TNS3: variants seen among roughly 807,000 people sequenced by gnomAD.
TNS3 encodes tensin 3.
In TNS3, 45 loss-of-function variants were observed where a neutral mutation model predicts 140.9. The observed-to-expected ratio is 0.32, with a 90% CI of 0.25 to 0.41. TNS3 has a LOEUF of 0.41. Ranked by LOEUF, TNS3 falls within the 10% of genes least tolerant of loss-of-function variation. The pLI, the probability that TNS3 is intolerant of heterozygous loss-of-function variation, is 1.00. For synonymous variants in TNS3, 815 were observed against 788.4 expected (o/e 1.03, Z -0.56); for missense variants, 1,716 against 1,906.7 (o/e 0.90, Z 1.86).
intron 4 of TNS3, among the ~76,000 whole-genome samples, chr7:47,444,957 C>T (rs926971288): frequency 1.3e-5 from 2 of 152,106 alleles, no homozygotes; most frequent in African/African-American, 4.8e-5. Flanking sequence ...ATGAAGTGTT[C>T]GGAAATGCAG....
chr7:47,474,719 CAT>C (rs1406348215), intron 4 of TNS3, among the ~76,000 whole-genome samples: 1 of 144,438 alleles, frequency 6.9e-6, no homozygotes, highest in Admixed American at 7.0e-5. Context: ...ACAGCACAGA[CAT>C]GTACACACAC....
Position 47,344,764 on chromosome 7 carries a change from C to G in TNS3, c.2641G>C (p.Gly881Arg), listed in dbSNP as rs772981048. The change falls in exon 20 of 31, where the codon GGA (glycine) becomes CGA (arginine). Residue 881 changes from glycine to arginine, a missense_variant. Gly to Arg is a moderately radical substitution (Grantham distance 125). Coordinates refer to ENST00000311160, the MANE Select transcript of TNS3 (RefSeq NM_022748.12). ...CGGGTAGATTTCTTACCACGTCCTC[C>G]TTTGTGCTGACTGGCTGGGCTGCTC... The part of the protein sequence containing the change: ...PLSSPASQHK[G>R]GREPRSCPET... 9 of 1,612,548 alleles carry G rather than the reference C, an allele frequency of 5.6e-6. No individual in the cohort carries two copies. In the East Asian group the frequency reaches 2.0e-4, roughly 36 times the overall value.
chr7:47,569,802 C>G (rs1189050957), intron 1 of TNS3, among the ~76,000 whole-genome samples: 1 of 151,030 alleles, frequency 6.6e-6, no homozygotes, highest in African/African-American at 2.4e-5. Context: ...TGCAGTGAGC[C>G]GAGATGGTGC....
intron 10 of TNS3, among the ~76,000 whole-genome samples, chr7:47,416,280 C>T (rs35973885): frequency 2.0e-5 from 3 of 152,220 alleles, no homozygotes; most frequent in African/African-American, 7.2e-5. Context: ...CCATCCTACC[C>T]TAAGCCAGAA....
intron 2 of TNS3, among the ~76,000 whole-genome samples, chr7:47,512,880 C>T (rs1335237602): frequency 2.6e-5 from 4 of 152,136 alleles, no homozygotes; most frequent in Non-Finnish European, 5.9e-5. Context: ...CATTCTACAA[C>T]AAGGAACAAG....
At chr7:47,460,462 G>A (rs1421863370) in intron 4 of TNS3, among the ~76,000 whole-genome samples, 6 of 152,168 alleles carry the variant, frequency 3.9e-5, no homozygotes, top group African/African-American at 1.2e-4. Context: ...TGACTAAGAC[G>A]ACATCTGAAA....
chr7:47,296,409 G>A (rs1028377601), intron 24 of TNS3, among the ~76,000 whole-genome samples: 3 of 152,174 alleles, frequency 2.0e-5, no homozygotes, highest in African/African-American at 7.2e-5. Flanking sequence ...ATTCCTCAAA[G>A]ACCTAGAGGC....
intron 16 of TNS3, among the ~76,000 whole-genome samples, chr7:47,370,279 CA>C (rs377017060): frequency 4.9e-5 from 7 of 142,976 alleles, no homozygotes; most frequent in African/African-American, 7.7e-5. Flanking sequence ...GACTCCGTCT[CA>C]AAAAAAAAAG....
intron 16 of TNS3, among the ~76,000 whole-genome samples, chr7:47,382,632 T>C (rs537111550): frequency 9.2e-5 from 14 of 152,204 alleles, no homozygotes; most frequent in Admixed American, 6.5e-4. Flanking sequence ...ACCCTTAGTA[T>C]GTGCGGGGGA....
intron 12 of TNS3, among the ~76,000 whole-genome samples, chr7:47,412,797 T>C (rs1562707699): frequency 1.3e-5 from 2 of 152,076 alleles, no homozygotes; most frequent in African/African-American, 2.4e-5. Context: ...AATGCAACCA[T>C]AAAAAATAAT....
intron 20 of TNS3, among the ~76,000 whole-genome samples, chr7:47,343,242 C>G (rs1008749164): frequency 1.3e-5 from 2 of 152,206 alleles, no homozygotes; most frequent in African/African-American, 4.8e-5. Context: ...CAGCATAAGA[C>G]AGCCAGGCCA....
At chr7:47,368,171 T>A (rs1463453899) in intron 17 of TNS3, among the ~76,000 whole-genome samples, 194 bp downstream of exon 17, 1 of 152,148 alleles carries the variant, frequency 6.6e-6, no homozygotes, top group Admixed American at 6.5e-5. Flanking sequence ...CCTCCAAATC[T>A]CCTACCAAGG....
chr7:47,438,144 G>T (rs1351141512), intron 6 of TNS3, among the ~76,000 whole-genome samples: 1 of 152,238 alleles, frequency 6.6e-6, no homozygotes, highest in African/African-American at 2.4e-5. Flanking sequence ...TGTGAGGAAA[G>T]TGGAGGGTGG....
At position 47,437,314 on chromosome 7, in the gene TNS3, C is replaced by A; in HGVS notation, c.151-1G>T. 2 of 1,386,252 alleles carry A rather than the reference C, an allele frequency of 1.4e-6. No homozygotes were observed. Among genetic ancestry groups the A allele is most frequent in the Non-Finnish European group, 1.9e-6 (2 of 1,061,078 alleles). The allele number at this position is 1,386,252 out of a possible 1,614,324, so 85.9% of individuals were successfully genotyped here. ...ATCTCTTTTCTGAAAGGTTTAATAC[C>A]TATAAAAGAGAGGAAAAATTGCCTT... On this transcript the variant is annotated splice_acceptor_variant, in intron 6 of 30. Coordinates refer to ENST00000311160, the MANE Select transcript of TNS3 (RefSeq NM_022748.12). LOFTEE classifies it high-confidence loss of function.
chr7:47,294,869 G>A (rs1785916396), intron 24 of TNS3, among the ~76,000 whole-genome samples: 2 of 152,120 alleles, frequency 1.3e-5, no homozygotes, highest in Admixed American at 1.3e-4. Flanking sequence ...AACTGAAGGG[G>A]ACACCAAGCG....
chr7:47,541,934 G>A (rs1238223435), intron 1 of TNS3, among the ~76,000 whole-genome samples: 2 of 144,788 alleles, frequency 1.4e-5, no homozygotes, highest in East Asian at 3.9e-4. Flanking sequence ...GGGCAACAGA[G>A]CGAGACTCCA....
At chr7:47,280,686 G>C (rs1309323825) in intron 28 of TNS3, among the ~76,000 whole-genome samples, 1 of 152,178 alleles carries the variant, frequency 6.6e-6, no homozygotes, top group African/African-American at 2.4e-5. Flanking sequence ...GGCTGAGGCG[G>C]GTTGATCACC....
At chr7:47,505,524 T>A (rs1344214853) in intron 3 of TNS3, among the ~76,000 whole-genome samples, 1 of 151,990 alleles carries the variant, frequency 6.6e-6, no homozygotes, top group African/African-American at 2.4e-5. Flanking sequence ...CCACATGACA[T>A]CTGAAGGAGG....
intron 13 of TNS3, chr7:47,405,410 G>A (rs1338057638): frequency 1.5e-6 from 1 of 669,312 alleles, no homozygotes; most frequent in Non-Finnish European, 2.7e-6. Flanking sequence ...CTCAGAGAAT[G>A]AGTTACAACC....
Sources: gnomAD v4.1 joint callset for allele counts (sites outside exome capture counted in the v4.1 genomes callset) on GRCh38, gnomAD v4.1.1 for gene constraint, MANE v1.5 for transcripts, NCBI Gene and HGNC (gene_info 2026-07-23, HGNC 2026-07-21) for gene names.